Variants in ADAM12 observed in about 807,000 individuals in gnomAD.
The protein encoded by ADAM12 is disintegrin and metalloproteinase domain-containing protein 12.
Under a neutral mutation model 106.4 loss-of-function variants are expected in ADAM12, and 70 were observed. The observed-to-expected ratio is 0.66, with a 90% CI of 0.54 to 0.80. The LOEUF (loss-of-function observed/expected upper bound fraction) is 0.80. Ranked by LOEUF, ADAM12 falls within the 30% of genes least tolerant of loss-of-function variation. The pLI is 0.00. For synonymous variants in ADAM12, 420 were observed against 433.5 expected (o/e 0.97, Z 0.39); for missense variants, 1,010 against 1,171.9 (o/e 0.86, Z 2.02).
At chr10:126,174,506 T>C (rs994681231) in intron 3 of ADAM12, among the ~76,000 whole-genome samples, 1 of 152,080 alleles carries the variant, frequency 6.6e-6, no homozygotes, top group African/African-American at 2.4e-5. Flanking sequence ...CCATTTTCCC[T>C]ATATTTTTAT....
chr10:126,384,054 C>G (rs565662872), intron 1 of ADAM12, among the ~76,000 whole-genome samples: 65 of 152,200 alleles, frequency 4.3e-4, no homozygotes, highest in African/African-American at 1.5e-3. Flanking sequence ...TGTATTACTG[C>G]CTGGAATGCA....
intron 2 of ADAM12, among the ~76,000 whole-genome samples, chr10:126,294,823 G>T (rs1258327660): frequency 6.6e-6 from 1 of 152,030 alleles, no homozygotes; most frequent in African/African-American, 2.4e-5. Context: ...AATGATTTCA[G>T]AGAAAATAGT....
At chr10:126,255,381 TCC>T (rs1958870162) in intron 3 of ADAM12, among the ~76,000 whole-genome samples, 1 of 151,988 alleles carries the variant, frequency 6.6e-6, no homozygotes, top group Non-Finnish European at 1.5e-5. Flanking sequence ...GTGTCCCGAG[TCC>T]AGCTCTCGTT....
At chr10:126,073,021 C>T (rs977081171) in intron 11 of ADAM12, among the ~76,000 whole-genome samples, 1 of 152,162 alleles carries the variant, frequency 6.6e-6, no homozygotes, top group African/African-American at 2.4e-5. Context: ...CCATCCTCTC[C>T]GAGTGGTTTC....
intron 5 of ADAM12, among the ~76,000 whole-genome samples, chr10:126,121,208 C>G (rs57912809): frequency 1.0e-5 from 1 of 99,558 alleles, no homozygotes; most frequent in African/African-American, 4.1e-5. Context: ...ATACTATATA[C>G]TATATATATT....
chr10:126,018,353 G>A (rs1378897011), intron 22 of ADAM12, among the ~76,000 whole-genome samples: 1 of 152,198 alleles, frequency 6.6e-6, no homozygotes, highest in Non-Finnish European at 1.5e-5. Context: ...GGGGTTGGGG[G>A]CAGGAAAGCC....
At chr10:126,117,730 T>C (rs1490348737) in intron 6 of ADAM12, among the ~76,000 whole-genome samples, 1 of 119,910 alleles carries the variant, frequency 8.3e-6, no homozygotes, top group African/African-American at 3.5e-5. Flanking sequence ...GGAGATTCCA[T>C]GAATCTTGAG....
At chr10:126,277,428 G>T (rs149915337) in intron 3 of ADAM12, among the ~76,000 whole-genome samples, 1 of 152,018 alleles carries the variant, frequency 6.6e-6, no homozygotes, top group South Asian at 2.1e-4. Flanking sequence ...CCTAAATCCA[G>T]CTGCCCACCA....
In ADAM12 at chr10:126,388,340, C is replaced by T. The variant is rs1554879455; in HGVS notation, c.-195G>A. On this transcript the variant is annotated 5_prime_UTR_variant, in exon 1 of 23. Transcript: ENST00000448723. The surrounding 1 kb of genome is among the most constrained non-coding windows in gnomAD (Gnocchi z 4.4). ...CTTTCATTTTTAAAAAAGTTTCCCC[C>T]CGTGTGTGTGCGTGCGTGCGCGCGC... The T allele has an allele frequency of 2.3e-6, 2 of 878,060 alleles. No individual in the cohort carries two copies. Among genetic ancestry groups the T allele is most frequent in the Non-Finnish European group, 2.9e-6 (2 of 682,380 alleles). 54.4% of individuals were successfully genotyped at this position (878,060 alleles called of 1,614,324 possible).
chr10:126,096,607 A>G (rs1955563166), intron 10 of ADAM12, among the ~76,000 whole-genome samples: 1 of 152,260 alleles, frequency 6.6e-6, no homozygotes, highest in African/African-American at 2.4e-5. Flanking sequence ...AATGAAGCAC[A>G]GTCACACGGG....
At chr10:126,037,523 A>AT (rs369747359) in intron 20 of ADAM12, among the ~76,000 whole-genome samples, 22 of 151,850 alleles carry the variant, frequency 1.4e-4, no homozygotes, top group Admixed American at 6.6e-4. Flanking sequence ...TCAATCACTT[A>AT]TTTTTTTTGA....
chr10:126,073,769 A>T (rs1955047045), intron 11 of ADAM12, among the ~76,000 whole-genome samples: 1 of 152,248 alleles, frequency 6.6e-6, no homozygotes, highest in Admixed American at 6.5e-5. Flanking sequence ...AAGGCAACAT[A>T]CCAGGACTTA....
At chr10:126,182,936 G>A (rs950020770) in intron 3 of ADAM12, among the ~76,000 whole-genome samples, 2 of 152,218 alleles carry the variant, frequency 1.3e-5, no homozygotes, top group Non-Finnish European at 2.9e-5. Context: ...TTAGGAACTG[G>A]GCCACACAGC....
At chr10:126,117,625 T>G (rs1956007611) in intron 6 of ADAM12, among the ~76,000 whole-genome samples, 1 of 151,774 alleles carries the variant, frequency 6.6e-6, no homozygotes, top group Non-Finnish European at 1.5e-5. Flanking sequence ...CTCCAGTAGA[T>G]GGAGAGCTGC....
intron 1 of ADAM12, among the ~76,000 whole-genome samples, chr10:126,334,747 G>A (rs142912626): frequency 4.3e-4 from 66 of 152,190 alleles, no homozygotes; most frequent in African/African-American, 1.3e-3. Flanking sequence ...CTTATGAAGG[G>A]AAACAGGAAA....
intron 1 of ADAM12, among the ~76,000 whole-genome samples, chr10:126,340,312 T>C (rs1443501450): frequency 6.6e-6 from 1 of 152,248 alleles, no homozygotes; most frequent in African/African-American, 2.4e-5. Flanking sequence ...AAATAGTTAT[T>C]GATTACAACG....
chr10:126,187,513 C>T (rs1359621433), intron 3 of ADAM12, among the ~76,000 whole-genome samples: 2 of 152,092 alleles, frequency 1.3e-5, no homozygotes, highest in African/African-American at 4.8e-5. Flanking sequence ...GCAGAAGGCT[C>T]AGGTCTGGAG....
chr10:126,339,459 CA>C (rs1319050371), intron 1 of ADAM12, among the ~76,000 whole-genome samples: 2 of 152,204 alleles, frequency 1.3e-5, no homozygotes, highest in African/African-American at 2.4e-5. Context: ...CCTCTTCTTA[CA>C]AAACTCCAGT....
At chr10:126,171,205 T>C (rs1565113056) in intron 3 of ADAM12, among the ~76,000 whole-genome samples, 1 of 152,216 alleles carries the variant, frequency 6.6e-6, no homozygotes, top group African/African-American at 2.4e-5. Context: ...GTCAGAATGA[T>C]GGTTGGGAAT....
Sources: gnomAD v4.1 joint callset for allele counts (sites outside exome capture counted in the v4.1 genomes callset) on GRCh38, gnomAD v4.1.1 for gene constraint, Gnocchi (gnomAD v3.1) non-coding constraint, MANE v1.5 for transcripts, NCBI Gene and HGNC (gene_info 2026-07-23, HGNC 2026-07-21) for gene names.